Variants in GALNT13 observed in about 807,000 individuals in gnomAD.
GALNT13 encodes the protein UDP-GalNAc:polypeptide N-acetylgalactosaminyltransferase 13.
Under a neutral mutation model 64.2 loss-of-function variants are expected in GALNT13, and 28 were observed. The observed-to-expected ratio is 0.44, with a 90% CI of 0.32 to 0.60. The LOEUF (loss-of-function observed/expected upper bound fraction) is 0.60, where lower values mean the gene tolerates loss of function less well. Ranked by LOEUF, GALNT13 falls within the 20% of genes least tolerant of loss-of-function variation. GALNT13 has a pLI of 0.05. For synonymous variants in GALNT13, 214 were observed against 224.6 expected, an observed-to-expected ratio of 0.95 and a Z score of 0.42; for missense variants, 577 against 669.8, an observed-to-expected ratio of 0.86 and a Z score of 1.53.
the GALNT13 span, among the ~76,000 whole-genome samples, chr2:153,345,147 C>A: frequency 1.3e-5 from 2 of 152,154 alleles, no homozygotes; most frequent in Non-Finnish European, 2.9e-5. Context: ...TCCTTTCATT[C>A]TGTTTTTCTT....
chr2:153,454,006 T>G, the GALNT13 span, among the ~76,000 whole-genome samples: 1 of 152,122 alleles, frequency 6.6e-6, no homozygotes, highest in Non-Finnish European at 1.5e-5. Context: ...CTAAGCAAGT[T>G]AATGCAGAAA....
chr2:153,883,056 A>G (rs1686890856), intron 1 of GALNT13, among the ~76,000 whole-genome samples: 1 of 143,118 alleles, frequency 7.0e-6, no homozygotes. Flanking sequence ...ATATCTATAT[A>G]TACACACATA....
At chr2:153,272,317 G>A in the GALNT13 span, among the ~76,000 whole-genome samples, 1 of 151,522 alleles carries the variant, frequency 6.6e-6, no homozygotes, top group Non-Finnish European at 1.5e-5. Context: ...TCATCAGAGT[G>A]AACAGGCAAC....
chr2:153,787,214 G>A, the GALNT13 span, among the ~76,000 whole-genome samples: 262 of 152,146 alleles, frequency 1.7e-3, no homozygotes, highest in Non-Finnish European at 2.4e-3. Context: ...GCACCAAGAG[G>A]GAGAACAACT....
intron 3 of GALNT13, among the ~76,000 whole-genome samples, chr2:154,126,565 G>A (rs1682280680): frequency 6.6e-6 from 1 of 151,648 alleles, no homozygotes; most frequent in South Asian, 2.1e-4. Context: ...AACCCGGGAG[G>A]CGGAGCTTGC....
At chr2:153,844,281 C>A in the GALNT13 span, among the ~76,000 whole-genome samples, 2 of 152,208 alleles carry the variant, frequency 1.3e-5, no homozygotes, top group African/African-American at 4.8e-5. Context: ...TTCTGTGTAC[C>A]TGCAGATTTA....
chr2:154,304,270 A>C (rs942511860), intron 9 of GALNT13, among the ~76,000 whole-genome samples: 5 of 152,214 alleles, frequency 3.3e-5, no homozygotes, highest in African/African-American at 1.2e-4. Flanking sequence ...TTCCCTTTAC[A>C]GTAGAAATCT....
At chr2:154,301,717 A>G in intron 9 of GALNT13, 128 bp downstream of exon 9, 1 of 611,008 alleles carries the variant, frequency 1.6e-6, no homozygotes, top group East Asian at 2.8e-5. Flanking sequence ...ATTGCAGAAA[A>G]CGGCATATGA....
intron 4 of GALNT13, among the ~76,000 whole-genome samples, chr2:154,234,284 CATATT>C (rs1308342737): frequency 6.6e-6 from 1 of 152,142 alleles, no homozygotes. Context: ...TACAGTGCTT[CATATT>C]ATAAGAATAT....
chr2:153,622,170 G>A, the GALNT13 span, among the ~76,000 whole-genome samples: 2 of 151,996 alleles, frequency 1.3e-5, no homozygotes, highest in Non-Finnish European at 2.9e-5. Context: ...GTTCTGGCAT[G>A]TTAGCTATAA....
At chr2:154,085,118 G>A (rs574230001) in intron 3 of GALNT13, among the ~76,000 whole-genome samples, 1 of 151,842 alleles carries the variant, frequency 6.6e-6, no homozygotes, top group South Asian at 2.1e-4. Context: ...CCCCACACTT[G>A]CCTGCCCATG....
the GALNT13 span, among the ~76,000 whole-genome samples, chr2:153,659,836 G>A: frequency 6.6e-6 from 1 of 152,090 alleles, no homozygotes; most frequent in Non-Finnish European, 1.5e-5. Context: ...TGTACTAATG[G>A]GATGAGGAGG....
chr2:154,202,751 C>A (rs1469303282), intron 4 of GALNT13, among the ~76,000 whole-genome samples: 1 of 152,062 alleles, frequency 6.6e-6, no homozygotes, highest in Admixed American at 6.6e-5. Context: ...ATATCCCAAA[C>A]AGGCTAAAAT....
intron 4 of GALNT13, among the ~76,000 whole-genome samples, chr2:154,170,011 G>C (rs1685265260): frequency 6.6e-6 from 1 of 152,084 alleles, no homozygotes; most frequent in South Asian, 2.1e-4. Flanking sequence ...CTGAATTTCA[G>C]GCAGACCAAA....
chr2:154,318,615 C>T (rs1305905350), intron 9 of GALNT13, among the ~76,000 whole-genome samples: 1 of 151,600 alleles, frequency 6.6e-6, no homozygotes, highest in African/African-American at 2.4e-5. Flanking sequence ...ATCCCAGCTA[C>T]TTGGGAAGCT....
chr2:153,463,178 C>A, the GALNT13 span, among the ~76,000 whole-genome samples: 1 of 151,978 alleles, frequency 6.6e-6, no homozygotes, highest in South Asian at 2.1e-4. Context: ...AGTAATTCAA[C>A]CTTGCCCTGC....
At chr2:154,287,302 G>A (rs998218422) in intron 8 of GALNT13, 6 of 673,510 alleles carry the variant, frequency 8.9e-6, no homozygotes, top group Admixed American at 4.0e-5. Flanking sequence ...TGGCCATGGC[G>A]GGGACAGTCT....
At chr2:153,798,382 G>A in the GALNT13 span, among the ~76,000 whole-genome samples, 37 of 152,134 alleles carry the variant, frequency 2.4e-4, no homozygotes, top group African/African-American at 8.0e-4. Flanking sequence ...AAAAGGAAAT[G>A]TATAAGTGAA....
At chr2:154,449,879 A>G (rs1574336101) in intron 12 of GALNT13, among the ~76,000 whole-genome samples, 1 of 152,016 alleles carries the variant, frequency 6.6e-6, no homozygotes, top group African/African-American at 2.4e-5. Flanking sequence ...ATCAAGTAAG[A>G]CAGATTATTT....
Sources: gnomAD v4.1 joint callset for allele counts (sites outside exome capture counted in the v4.1 genomes callset) on GRCh38, gnomAD v4.1.1 for gene constraint, MANE v1.5 for transcripts, NCBI Gene and HGNC (gene_info 2026-07-23, HGNC 2026-07-21) for gene names.